Variants in HTR4 observed in about 807,000 individuals in gnomAD.
HTR4 encodes 5-hydroxytryptamine receptor 4.
In HTR4, 16 loss-of-function variants were observed where a neutral mutation model predicts 36.8. That is an observed-to-expected ratio of 0.43 (90% confidence interval 0.29 to 0.66). The LOEUF is 0.66. HTR4 is among the 30% of genes least tolerant of loss of function. The pLI is 0.13. For synonymous variants in HTR4, 189 were observed against 185.1 expected (o/e 1.02, Z -0.17); for missense variants, 438 against 490.9 (o/e 0.89, Z 1.02).
rs535197569 is a variant in HTR4 at position 148,588,603 on chromosome 5, C to T, written c.27-38341G>A. Among the ~76,000 whole-genome samples the T allele has an allele frequency of 1.4e-3, 203 of 144,076 alleles. 1 individual carries two copies. The highest frequency in any genetic ancestry group is 5.0e-3 in the African/African-American group (193 of 38,970). The allele number at this position is 144,076 out of a possible 152,430, so 94.5% of individuals were successfully genotyped here. A position where few individuals can be genotyped will look rare whatever the true frequency, so the allele number is the denominator to read the frequency against. ...GGCCGGACTGCGGACTGCAGTGGCGCAATCTCGGCTCACTGCAAGCTCCGC... is the reference window on the plus strand; with the variant it reads ...GGCCGGACTGCGGACTGCAGTGGCGTAATCTCGGCTCACTGCAAGCTCCGC... On this transcript the variant is annotated intron_variant, in intron 2 of 6. Coordinates refer to ENST00000377888, the MANE Select transcript of HTR4 (RefSeq NM_000870.7).
intron 2 of HTR4, among the ~76,000 whole-genome samples, chr5:148,620,179 G>T (rs1752863351): frequency 6.6e-6 from 1 of 152,206 alleles, no homozygotes; most frequent in South Asian, 2.1e-4. Context: ...AAAGAAGGTA[G>T]GAGAAAAGGG....
At chr5:148,549,412 G>A (rs771182236) in intron 3 of HTR4, among the ~76,000 whole-genome samples, 1 of 152,180 alleles carries the variant, frequency 6.6e-6, no homozygotes, top group Non-Finnish European at 1.5e-5. Context: ...ATCATTAGAT[G>A]TGTGGATGTC....
intron 1 of HTR4, among the ~76,000 whole-genome samples, chr5:148,653,858 C>G (rs893243891): frequency 1.3e-5 from 2 of 152,162 alleles, no homozygotes; most frequent in African/African-American, 4.8e-5. Context: ...TACAGTGATC[C>G]CACGCTGGAA....
At chr5:148,588,101 C>T (rs1007535365) in intron 2 of HTR4, among the ~76,000 whole-genome samples, 2 of 152,104 alleles carry the variant, frequency 1.3e-5, no homozygotes, top group East Asian at 1.9e-4. Flanking sequence ...CACCAAGGCT[C>T]GTAAGATTGA....
rs1755960666 is a variant in HTR4 at position 148,483,000 on chromosome 5, G to A, written c.*203C>T. ...GTGTTGGGAAATAAAAAGTGAACAA[G>A]GAGGCCATTATGTCCCCTGACTCCC... On this transcript the variant is annotated 3_prime_UTR_variant, in exon 7 of 7. Coordinates refer to ENST00000377888, the MANE Select transcript of HTR4 (RefSeq NM_000870.7). The A allele has an allele frequency of 7.0e-7, 1 of 1,429,904 alleles. No homozygotes were observed. Among genetic ancestry groups the A allele is most frequent in the Non-Finnish European group, 9.2e-7 (1 of 1,089,468 alleles). The allele number at this position is 1,429,904 out of a possible 1,614,324, so 88.6% of individuals were successfully genotyped here. A position where few individuals can be genotyped will look rare whatever the true frequency, so the allele number is the denominator to read the frequency against.
chr5:148,627,071 T>C (rs1753138116), intron 2 of HTR4, among the ~76,000 whole-genome samples: 1 of 152,180 alleles, frequency 6.6e-6, no homozygotes, highest in Non-Finnish European at 1.5e-5. Context: ...CTAGGATCTG[T>C]GTTTTTTCCT....
chr5:148,508,245 A>G (rs1757315822), intron 6 of HTR4, among the ~76,000 whole-genome samples: 1 of 152,226 alleles, frequency 6.6e-6, no homozygotes, highest in Non-Finnish European at 1.5e-5. Context: ...TCAAAGAAGG[A>G]ACTACTCCTT....
downstream of HTR4, chr5:148,476,589 A>G (rs1561566657): frequency 1.0e-5 from 15 of 1,483,866 alleles, no homozygotes; most frequent in South Asian, 8.6e-5. Flanking sequence ...GGGCTGGTAC[A>G]GTGGAGATGC....
chr5:148,519,409 A>C (rs1757909436), intron 5 of HTR4, among the ~76,000 whole-genome samples: 1 of 152,190 alleles, frequency 6.6e-6, no homozygotes, highest in Non-Finnish European at 1.5e-5. Flanking sequence ...GGACATTTCT[A>C]GCAAGCTTAG....
At chr5:148,513,712 T>A (rs140234864) in intron 5 of HTR4, among the ~76,000 whole-genome samples, 1 of 152,232 alleles carries the variant, frequency 6.6e-6, no homozygotes, top group African/African-American at 2.4e-5. Flanking sequence ...TAAGGGAAAC[T>A]GACATCTTTA....
At chr5:148,639,516 C>G (rs1753658539) in intron 1 of HTR4, among the ~76,000 whole-genome samples, 1 of 151,594 alleles carries the variant, frequency 6.6e-6, no homozygotes, top group Admixed American at 6.6e-5. Context: ...GCTCAAATAT[C>G]ACTTCCTCAG....
intron 5 of HTR4, among the ~76,000 whole-genome samples, chr5:148,463,917 A>G (rs1040721493): frequency 2.1e-4 from 32 of 152,086 alleles, no homozygotes; most frequent in Admixed American, 1.4e-3. Flanking sequence ...TAGAGAGCCC[A>G]GAAGCAGACC....
chr5:148,618,968 A>G (rs1340986294), intron 2 of HTR4, among the ~76,000 whole-genome samples: 1 of 152,192 alleles, frequency 6.6e-6, no homozygotes, highest in Non-Finnish European at 1.5e-5. Context: ...TATCTGGAAT[A>G]TATTCTGTGA....
intron 5 of HTR4, among the ~76,000 whole-genome samples, chr5:148,462,482 T>G (rs185867253): frequency 3.3e-5 from 5 of 152,040 alleles, no homozygotes; most frequent in African/African-American, 1.2e-4. Context: ...ATAGACAATA[T>G]GAATAAGCTT....
intron 2 of HTR4, among the ~76,000 whole-genome samples, chr5:148,622,867 A>T (rs999728413): frequency 6.6e-6 from 1 of 152,218 alleles, no homozygotes; most frequent in Non-Finnish European, 1.5e-5. Flanking sequence ...ACAGCCATAC[A>T]TATTATTAAT....
At chr5:148,486,174 C>T (rs1756150908) in intron 6 of HTR4, among the ~76,000 whole-genome samples, 1 of 152,174 alleles carries the variant, frequency 6.6e-6, no homozygotes, top group South Asian at 2.1e-4. Flanking sequence ...ACAGAGTGAT[C>T]TTATGGTCAG....
chr5:148,482,414 C>A lies in HTR4; in HGVS notation c.*789G>T. On this transcript the variant is annotated 3_prime_UTR_variant, in exon 7 of 7. Transcript: ENST00000377888. Reference sequence around the variant, plus strand: ...AGGAGAGCGAGCATCTCAGGGCAGACACGCCAGCGGCCAGGACACCAGGAG... The same window carrying A: ...AGGAGAGCGAGCATCTCAGGGCAGAAACGCCAGCGGCCAGGACACCAGGAG... 7 of 985,686 alleles carry A rather than the reference C, an allele frequency of 7.1e-6. No homozygotes were observed. The highest frequency in any genetic ancestry group is 8.4e-6 in the Non-Finnish European group (7 of 830,146). 61.1% of individuals were successfully genotyped at this position (985,686 alleles called of 1,614,324 possible). A position where few individuals can be genotyped will look rare whatever the true frequency, so the allele number is the denominator to read the frequency against.
At position 148,544,853 on chromosome 5, in the gene HTR4, T is replaced by A. The variant is rs115134730; in HGVS notation, c.353+3815A>T. ...TCTGCCATCTGAGAAGAGTTACAAA[T>A]TAAAGTGAGCCCTCTTGCTCAAAGG... On this transcript the variant is annotated intron_variant, in intron 4 of 6. Coordinates refer to ENST00000377888, the MANE Select transcript of HTR4 (RefSeq NM_000870.7). Among the ~76,000 whole-genome samples the A allele has an allele frequency of 5.5e-3, 831 of 152,284 alleles. 2 individuals carry two copies. The highest frequency in any genetic ancestry group is 0.019 in the African/African-American group (783 of 41,560).
At chr5:148,495,360 C>A (rs879186933) in intron 6 of HTR4, among the ~76,000 whole-genome samples, 1 of 152,174 alleles carries the variant, frequency 6.6e-6, no homozygotes, top group Admixed American at 6.5e-5. Context: ...CAGGGAAATT[C>A]TCTGCTCTAA....
Sources: allele counts gnomAD v4.1 joint callset (sites outside exome capture counted in the v4.1 genomes callset), GRCh38; gene constraint gnomAD v4.1.1; transcripts MANE v1.5; gene names NCBI Gene and HGNC (gene_info 2026-07-23, HGNC 2026-07-21).